The following ACER3 variants were observed in gnomAD, a reference collection of about 807,000 sequenced individuals.
ACER3 encodes the protein alkCDase 3.
Under a neutral mutation model 48.9 loss-of-function variants are expected in ACER3, and 16 were observed. The observed-to-expected ratio is 0.33, with a 90% CI of 0.22 to 0.50. The LOEUF (loss-of-function observed/expected upper bound fraction) is 0.50. Among genes scored for constraint, ACER3 ranks in the 20% least tolerant of loss-of-function variants. The probability of loss-of-function intolerance (pLI) is 0.98; values close to 1 mark genes in which losing one functional copy is unlikely to be tolerated. For missense variants in ACER3, 227 were observed against 326.0 expected (o/e 0.70, Z 2.34); for synonymous variants, 109 against 107.8 (o/e 1.01, Z -0.07).
intron 1 of ACER3, among the ~76,000 whole-genome samples, chr11:76,875,406 G>T (rs1458558892): frequency 1.3e-5 from 2 of 151,916 alleles, no homozygotes. Context: ...GTGAGCCACC[G>T]CGCCCGGCCA....
intron 2 of ACER3, among the ~76,000 whole-genome samples, chr11:76,929,746 C>G (rs371902968): frequency 3.9e-5 from 6 of 152,174 alleles, no homozygotes; most frequent in East Asian, 1.9e-4. Context: ...TTTGTCTTTG[C>G]TTCTGTTTAT....
intron 10 of ACER3, 71 bp downstream of exon 10, chr11:77,019,847 G>T: frequency 1.3e-6 from 2 of 1,503,328 alleles, no homozygotes; most frequent in Non-Finnish European, 1.8e-6. Context: ...GGAGGTGGAA[G>T]AAGAAAGGGG....
chr11:76,935,026 C>T (rs956611058), intron 2 of ACER3, among the ~76,000 whole-genome samples: 3 of 152,008 alleles, frequency 2.0e-5, no homozygotes, highest in African/African-American at 7.2e-5. Flanking sequence ...AAACTAATAA[C>T]AGAAATAGCT....
chr11:76,903,285 C>A (rs1164770271), intron 1 of ACER3, among the ~76,000 whole-genome samples: 1 of 152,166 alleles, frequency 6.6e-6, no homozygotes. Flanking sequence ...CCTATGCATC[C>A]TTTAAAGCAC....
chr11:76,931,826 G>A (rs1947005982), intron 2 of ACER3, among the ~76,000 whole-genome samples: 1 of 152,132 alleles, frequency 6.6e-6, no homozygotes, highest in South Asian at 2.1e-4. Flanking sequence ...AGTTTCTGCT[G>A]AGAGATCAGC....
chr11:76,936,085 A>T (rs1228519278), intron 2 of ACER3, among the ~76,000 whole-genome samples: 1 of 152,228 alleles, frequency 6.6e-6, no homozygotes, highest in African/African-American at 2.4e-5. Context: ...GGTTTACTGG[A>T]CTTACGGTTC....
chr11:77,022,881 A>G lies in ACER3; in HGVS notation c.*2554A>G. 1 of 22,070 alleles carries G rather than the reference A, an allele frequency of 4.5e-5. No homozygotes were observed. The highest frequency in any genetic ancestry group is 1.2e-4 in the Non-Finnish European group (1 of 8,510). 1.4% of individuals were successfully genotyped at this position (22,070 alleles called of 1,614,324 possible). On this transcript the variant is annotated 3_prime_UTR_variant, in exon 11 of 11. Transcript: ENST00000532485. ...GAGACTCCGTCTCAAAAAAAAAAAA[A>G]AAAAAAAAAAAGAAAAGAAAAGAAA...
intron 1 of ACER3, among the ~76,000 whole-genome samples, chr11:76,865,138 ATTT>A (rs35627838): frequency 7.8e-6 from 1 of 128,330 alleles, no homozygotes; most frequent in Admixed American, 8.1e-5. Flanking sequence ...TGCCCAGCTA[ATTT>A]TTTTTTTTTT....
chr11:76,933,173 C>CATATATATATATATATATATAT (rs144524712), intron 2 of ACER3, among the ~76,000 whole-genome samples: 1,584 of 129,214 alleles, frequency 0.012, 25 homozygotes, highest in Non-Finnish European at 0.018. Flanking sequence ...ATACGTATTT[C>CATATATATATATATATATATAT]ATATATATAT....
intron 2 of ACER3, among the ~76,000 whole-genome samples, chr11:76,929,509 G>A (rs1302693769): frequency 1.3e-5 from 2 of 152,206 alleles, no homozygotes; most frequent in South Asian, 2.1e-4. Flanking sequence ...TTGAATAGGA[G>A]TGGTGAGAGA....
In ACER3 at chr11:76,876,102, C is replaced by A. The variant is rs76870961; in HGVS notation, c.103+15023C>A. Among the ~76,000 whole-genome samples the A allele has an allele frequency of 2.6e-3, 394 of 148,820 alleles. 2 individuals carry two copies. The highest frequency in any genetic ancestry group is 9.1e-3 in the African/African-American group (377 of 41,264). ...GAGCCACCACGCCCAGCCTGTAATACACAAATCTTAAGTTATTTTTGCTGG... is the reference window on the plus strand; with the variant it reads ...GAGCCACCACGCCCAGCCTGTAATAAACAAATCTTAAGTTATTTTTGCTGG... On this transcript the variant is annotated intron_variant, in intron 1 of 10. Coordinates refer to ENST00000532485, the MANE Select transcript of ACER3 (RefSeq NM_018367.7).
intron 4 of ACER3, among the ~76,000 whole-genome samples, chr11:76,983,115 T>C (rs925568129): frequency 6.6e-5 from 10 of 152,192 alleles, no homozygotes; most frequent in Non-Finnish European, 1.3e-4. Flanking sequence ...TTTTACAAAA[T>C]AGCCTGCTGG....
rs12281439 is a variant in ACER3 at position 76,986,040 on chromosome 11, A to C, written c.402+316A>C. ...TTAGCTCCTATTTGTTAAAAATGAG[A>C]GATTGGCTCTGCTCCATTGGTCCAA... On this transcript the variant is annotated intron_variant, in intron 5 of 10. Transcript: ENST00000532485. Among the ~76,000 whole-genome samples the C allele has an allele frequency of 1.3e-3, 205 of 152,336 alleles. 2 individuals are homozygous for C. Among genetic ancestry groups the C allele is most frequent in the African/African-American group, 4.7e-3 (195 of 41,596 alleles).
intron 7 of ACER3, among the ~76,000 whole-genome samples, chr11:77,000,360 T>C (rs1555019532): frequency 6.6e-6 from 1 of 152,196 alleles, no homozygotes; most frequent in African/African-American, 2.4e-5. Flanking sequence ...GATTTGTGAA[T>C]TCTTTCTCCC....
At chr11:76,882,119 C>G (rs887791489) in intron 1 of ACER3, among the ~76,000 whole-genome samples, 4 of 151,848 alleles carry the variant, frequency 2.6e-5, no homozygotes, top group Admixed American at 2.6e-4. Context: ...ATTCTCCTGC[C>G]TCAGCCTCCC....
chr11:77,018,728 A>G (rs1949419178), intron 9 of ACER3, among the ~76,000 whole-genome samples: 1 of 152,236 alleles, frequency 6.6e-6, no homozygotes. Flanking sequence ...ACCAACCACA[A>G]CATTGCCTTA....
intron 1 of ACER3, among the ~76,000 whole-genome samples, chr11:76,897,872 CA>C (rs1565164894): frequency 6.6e-6 from 1 of 152,280 alleles, no homozygotes; most frequent in East Asian, 1.9e-4. Flanking sequence ...AACAGTCATA[CA>C]AGTGCTATTC....
rs142246227 is a variant in ACER3 at position 76,875,273 on chromosome 11, C to T, written c.103+14194C>T. On this transcript the variant is annotated intron_variant, in intron 1 of 10. Transcript: ENST00000532485. ...GGATTACAGGCGCAGGCCACTACAC[C>T]GGGCTAATTTTCGTATTTTTAGTAG... Among the ~76,000 whole-genome samples, 86 of 151,728 alleles carry T rather than the reference C, an allele frequency of 5.7e-4. 1 individual carries two copies. The highest frequency in any genetic ancestry group is 1.1e-3 in the African/African-American group (44 of 41,416).
At position 77,022,624 on chromosome 11, in the gene ACER3, T is replaced by C. The variant is rs1024338029; in HGVS notation, c.*2297T>C. 6.6e-6 allele frequency: 1 copy of C among 152,518 alleles called. No individual in the cohort carries two copies. Among genetic ancestry groups the C allele is most frequent in the Non-Finnish European group, 1.5e-5 (1 of 68,286 alleles). 9.4% of individuals were successfully genotyped at this position (152,518 alleles called of 1,614,324 possible). A position where few individuals can be genotyped will look rare whatever the true frequency, so the allele number is the denominator to read the frequency against. The stretch of plus-strand genomic sequence containing the variant: ...TATTTCAATAGCTTTATTTTTTTCC[T>C]ACTTGGATTCTAGGTGGACATTACA... On this transcript the variant is annotated 3_prime_UTR_variant, in exon 11 of 11. Coordinates refer to ENST00000532485, the MANE Select transcript of ACER3 (RefSeq NM_018367.7).
Sources: gnomAD v4.1 joint callset for allele counts (sites outside exome capture counted in the v4.1 genomes callset) on GRCh38, gnomAD v4.1.1 for gene constraint, MANE v1.5 for transcripts, NCBI Gene and HGNC (gene_info 2026-07-23, HGNC 2026-07-21) for gene names.